MAGI2: variants seen among roughly 807,000 people sequenced by gnomAD.
MAGI2 encodes the protein membrane-associated guanylate kinase, WW and PDZ domain-containing protein 2.
In MAGI2, 35 loss-of-function variants were observed where a neutral mutation model predicts 133.3. The ratio of observed to expected loss-of-function variants is 0.26; its 90% CI spans 0.20 to 0.35. The LOEUF is 0.35. Among genes scored for constraint, MAGI2 ranks in the 10% least tolerant of loss-of-function variants. The probability of loss-of-function intolerance (pLI) is 1.00; values close to 1 mark genes in which losing one functional copy is unlikely to be tolerated. For synonymous variants in MAGI2, 729 were observed against 710.6 expected (o/e 1.03, Z -0.41); for missense variants, 1,636 against 1,863.4 (o/e 0.88, Z 2.25).
At position 78,081,378 on chromosome 7, in the gene MAGI2, C is replaced by G. The variant is rs563998026; in HGVS notation, c.3568-2293G>C. The stretch of plus-strand genomic sequence containing the variant: ...TTTCTATGTACAGTAAGTTCTCAGT[C>G]TAGTTGGGAAGAAAATGGGTAAATA... On this transcript the variant is annotated intron_variant, in intron 20 of 21. Coordinates refer to ENST00000354212, the MANE Select transcript of MAGI2 (RefSeq NM_012301.4). Among the ~76,000 whole-genome samples the G allele has an allele frequency of 1.1e-4, 16 of 152,306 alleles. No individual in the cohort carries two copies. The South Asian group carries it at 3.3e-3, about 32-fold the overall frequency.
At chr7:78,528,125 T>C (rs1320435099) in intron 3 of MAGI2, among the ~76,000 whole-genome samples, 1 of 152,204 alleles carries the variant, frequency 6.6e-6, no homozygotes, top group Admixed American at 6.5e-5. Context: ...AGCTTGAGGA[T>C]ATGTCTTCGT....
chr7:78,656,750 TA>T (rs1563307667), intron 2 of MAGI2, among the ~76,000 whole-genome samples: 1 of 152,082 alleles, frequency 6.6e-6, no homozygotes, highest in Non-Finnish European at 1.5e-5. Context: ...TATATACAAT[TA>T]AAAATAATCA....
intron 1 of MAGI2, among the ~76,000 whole-genome samples, chr7:79,081,240 A>G (rs1816008744): frequency 6.6e-6 from 1 of 151,864 alleles, no homozygotes; most frequent in African/African-American, 2.4e-5. Flanking sequence ...ACTAATGTCT[A>G]TTTATCTCCA....
At position 78,352,630 on chromosome 7, in the gene MAGI2, T is replaced by C. The variant is rs576065844; in HGVS notation, c.1104-6587A>G. Among the ~76,000 whole-genome samples, 10 of 152,312 alleles carry C rather than the reference T, an allele frequency of 6.6e-5. 1 individual carries two copies. The South Asian group carries it at 1.5e-3, about 22-fold the overall frequency. ...CTTCCTGGACATGAGGGTGTCTATG[T>C]TGGGGATATAGTATCCAGCTGGGAG... is the stretch of plus-strand genomic sequence containing the variant. On this transcript the variant is annotated intron_variant, in intron 7 of 21. Transcript: ENST00000354212.
At chr7:78,725,228 G>A (rs973273908) in intron 2 of MAGI2, among the ~76,000 whole-genome samples, 1 of 152,166 alleles carries the variant, frequency 6.6e-6, no homozygotes. Context: ...AAGTTACTAA[G>A]TTAATCTATA....
At chr7:78,798,178 G>C (rs1342851995) in intron 2 of MAGI2, among the ~76,000 whole-genome samples, 1 of 152,118 alleles carries the variant, frequency 6.6e-6, no homozygotes, top group Non-Finnish European at 1.5e-5. Context: ...CTGCATTCTG[G>C]ATTGGCAATA....
intron 10 of MAGI2, among the ~76,000 whole-genome samples, chr7:78,211,471 G>T (rs569977675): frequency 1.3e-5 from 2 of 152,300 alleles, no homozygotes; most frequent in South Asian, 2.1e-4. Context: ...ACATATATGG[G>T]TGGGCACATG....
rs571067521 is a variant in MAGI2 at position 79,428,667 on chromosome 7, A to G, written c.301+24353T>C. The stretch of plus-strand genomic sequence containing the variant: ...TCACCATTATATGTTTTCTGATGAT[A>G]TAGTAACAATCAGGAGAGTCTTCAG... On this transcript the variant is annotated intron_variant, in intron 1 of 21. Coordinates refer to ENST00000354212, the MANE Select transcript of MAGI2 (RefSeq NM_012301.4). Among the ~76,000 whole-genome samples the G allele has an allele frequency of 2.0e-5, 3 of 152,306 alleles. No homozygotes were observed. The East Asian group carries it at 5.8e-4, about 29-fold the overall frequency.
At position 78,677,091 on chromosome 7, in the gene MAGI2, C is replaced by T. The variant is rs533729598; in HGVS notation, c.419-49852G>A. 2.0e-5 allele frequency among the ~76,000 whole-genome samples: 3 copies of T among 152,082 alleles called. No homozygotes were observed. In the South Asian group the frequency reaches 6.2e-4, roughly 31 times the overall value. On this transcript the variant is annotated intron_variant, in intron 2 of 21. Transcript: ENST00000354212. Reference sequence around the variant, plus strand: ...TCCTTTCTTTTCTCTAATTTTCATACCTTCTTTAAAAGTAGATTGACAGGA... The same window carrying T: ...TCCTTTCTTTTCTCTAATTTTCATATCTTCTTTAAAAGTAGATTGACAGGA...
At chr7:78,703,710 C>T (rs73149083) in intron 2 of MAGI2, among the ~76,000 whole-genome samples, 7,585 of 152,048 alleles carry the variant, frequency 0.05, 276 homozygotes, top group Non-Finnish European at 0.077. Flanking sequence ...TAATTTATCA[C>T]TTGTGTTTTG....
chr7:79,043,625 G>T (rs1222857843), intron 1 of MAGI2, among the ~76,000 whole-genome samples: 2 of 140,864 alleles, frequency 1.4e-5, no homozygotes, highest in Non-Finnish European at 3.1e-5. Flanking sequence ...GTCTTTGAAA[G>T]AATAAGATCG....
chr7:78,653,336 G>T (rs1245724008), intron 2 of MAGI2, among the ~76,000 whole-genome samples: 2 of 152,194 alleles, frequency 1.3e-5, no homozygotes, highest in Non-Finnish European at 2.9e-5. Flanking sequence ...ATATGCACAT[G>T]TATGTTTATT....
At chr7:78,649,567 A>C (rs1811324796) in intron 2 of MAGI2, among the ~76,000 whole-genome samples, 1 of 152,192 alleles carries the variant, frequency 6.6e-6, no homozygotes, top group Non-Finnish European at 1.5e-5. Context: ...AATAGAAGTG[A>C]GACTAAAAAT....
intron 1 of MAGI2, among the ~76,000 whole-genome samples, chr7:79,044,857 T>C (rs905873877): frequency 1.3e-5 from 2 of 152,110 alleles, no homozygotes; most frequent in Non-Finnish European, 1.5e-5. Context: ...CTTGGAAAAG[T>C]TTGACAGTTT....
At chr7:78,199,851 T>G (rs1829075935) in intron 11 of MAGI2, among the ~76,000 whole-genome samples, 1 of 152,224 alleles carries the variant, frequency 6.6e-6, no homozygotes, top group Non-Finnish European at 1.5e-5. Context: ...TTATACCAAA[T>G]GACATAATTT....
chr7:78,927,670 G>T (rs1372681409), intron 2 of MAGI2, among the ~76,000 whole-genome samples: 1 of 151,594 alleles, frequency 6.6e-6, no homozygotes, highest in African/African-American at 2.4e-5. Flanking sequence ...CCCCTCATTA[G>T]ATATCTCTTA....
At chr7:78,564,606 G>A (rs1800741067) in intron 3 of MAGI2, among the ~76,000 whole-genome samples, 1 of 152,000 alleles carries the variant, frequency 6.6e-6, no homozygotes, top group South Asian at 2.1e-4. Flanking sequence ...AGCCTTAACT[G>A]TCGTCTCTTA....
intron 1 of MAGI2, among the ~76,000 whole-genome samples, chr7:79,136,645 T>C (rs1028532003): frequency 6.6e-6 from 1 of 152,240 alleles, no homozygotes; most frequent in Non-Finnish European, 1.5e-5. Flanking sequence ...TAGACTGAAC[T>C]CTTCTCCTTT....
At chr7:78,024,933 GTGA>G (rs1200780375) in intron 21 of MAGI2, among the ~76,000 whole-genome samples, 5 of 152,182 alleles carry the variant, frequency 3.3e-5, no homozygotes, top group Non-Finnish European at 7.3e-5. Flanking sequence ...CCCACCTCCA[GTGA>G]TTATCTGTAT....
Sources: gnomAD v4.1 joint callset for allele counts (sites outside exome capture counted in the v4.1 genomes callset) on GRCh38, gnomAD v4.1.1 for gene constraint, MANE v1.5 for transcripts, NCBI Gene and HGNC (gene_info 2026-07-23, HGNC 2026-07-21) for gene names.